Variants in EXOC4 observed in about 807,000 individuals in gnomAD.
The protein encoded by EXOC4 is exocyst complex component 4, also known as SEC8-like 1.
A neutral mutation model predicts 107.2 loss-of-function variants in EXOC4; 71 were observed. The ratio of observed to expected loss-of-function variants is 0.66; its 90% CI spans 0.55 to 0.81. EXOC4 has a LOEUF of 0.81. Among genes scored for constraint, EXOC4 ranks in the 30% least tolerant of loss-of-function variants. The probability of loss-of-function intolerance (pLI) is 0.00; values close to 1 mark genes in which losing one functional copy is unlikely to be tolerated. For synonymous variants in EXOC4, 456 were observed against 441.2 expected (o/e 1.03, Z -0.42); for missense variants, 1,108 against 1,189.6 (o/e 0.93, Z 1.01).
At chr7:133,310,422 C>A (rs940553661) in intron 4 of EXOC4, among the ~76,000 whole-genome samples, 11 of 152,148 alleles carry the variant, frequency 7.2e-5, no homozygotes, top group Non-Finnish European at 1.5e-5. Flanking sequence ...AACATTGTGT[C>A]CTTCAAGGTC....
intron 17 of EXOC4, among the ~76,000 whole-genome samples, chr7:134,011,374 C>T (rs963833643): frequency 6.6e-6 from 1 of 152,186 alleles, no homozygotes; most frequent in African/African-American, 2.4e-5. Flanking sequence ...CAGTTCTCCC[C>T]TCTTTACCCC....
At chr7:133,916,383 A>G (rs971979714) in intron 12 of EXOC4, among the ~76,000 whole-genome samples, 14 of 152,128 alleles carry the variant, frequency 9.2e-5, no homozygotes, top group Non-Finnish European at 1.6e-4. Context: ...TACAACATGA[A>G]ACTATGTTAC....
intron 9 of EXOC4, among the ~76,000 whole-genome samples, chr7:133,488,337 C>G (rs532484952): frequency 6.6e-6 from 1 of 152,078 alleles, no homozygotes; most frequent in Non-Finnish European, 1.5e-5. Flanking sequence ...TCTATTTAAT[C>G]TTATTTCACA....
chr7:133,762,061 C>T (rs1796043472), intron 10 of EXOC4, among the ~76,000 whole-genome samples: 1 of 152,130 alleles, frequency 6.6e-6, no homozygotes, highest in African/African-American at 2.4e-5. Context: ...GTTTAAATGT[C>T]ATTGGGTACT....
rs71162035 is a variant in EXOC4, at chr7:133,857,325, GTATATATA to G, written c.1735-38240_1735-38233del. Among the ~76,000 whole-genome samples, 25 of 2,598 alleles carry G rather than the reference GTATATATA, an allele frequency of 9.6e-3. 6 individuals carry two copies. Among genetic ancestry groups the G allele is most frequent in the South Asian group, 0.071 (4 of 56 alleles). The allele number at this position is 2,598 out of a possible 152,430, so 1.7% of individuals were successfully genotyped here. The stretch of plus-strand genomic sequence containing the variant: ...CGTATATATATATATATATATACAC[GTATATATA>G]TATATATATATATATATATATATAT... On this transcript the variant is annotated intron_variant, in intron 11 of 17. Transcript: ENST00000253861.
chr7:133,275,386 G>A (rs1277305056), intron 2 of EXOC4, among the ~76,000 whole-genome samples: 1 of 151,998 alleles, frequency 6.6e-6, no homozygotes, highest in Non-Finnish European at 1.5e-5. Context: ...CTTATCCTTG[G>A]TTCTGCCATT....
At chr7:133,874,928 G>A (rs1448282153) in intron 11 of EXOC4, among the ~76,000 whole-genome samples, 2 of 152,184 alleles carry the variant, frequency 1.3e-5, no homozygotes. Context: ...TAAAGGAGTG[G>A]CTGAGGACAT....
intron 10 of EXOC4, among the ~76,000 whole-genome samples, chr7:133,795,239 T>C (rs973643919): frequency 1.3e-5 from 2 of 152,156 alleles, no homozygotes; most frequent in Admixed American, 1.3e-4. Flanking sequence ...ATAATCCTCA[T>C]TAAAGGGCTA....
intron 17 of EXOC4, among the ~76,000 whole-genome samples, chr7:134,035,504 A>G (rs555785889): frequency 3.3e-5 from 5 of 152,354 alleles, no homozygotes; most frequent in African/African-American, 1.2e-4. Context: ...AAATACTAGA[A>G]GAAGGAGAGC....
At position 133,770,191 on chromosome 7, in the gene EXOC4, T is replaced by G. The variant is rs1796217320; in HGVS notation, c.1515-47134T>G. Among the ~76,000 whole-genome samples, 3 of 151,946 alleles carry G rather than the reference T, an allele frequency of 2.0e-5. No homozygotes were observed. The South Asian group carries it at 6.2e-4, about 31-fold the overall frequency. On this transcript the variant is annotated intron_variant, in intron 10 of 17. Transcript: ENST00000253861. Reference sequence around the variant, plus strand: ...TATCACTTAACTCGTGCTAAGCATTTAGCTTGTATTACCCACTTTACCTGT... The same window carrying G: ...TATCACTTAACTCGTGCTAAGCATTGAGCTTGTATTACCCACTTTACCTGT...
chr7:133,795,315 G>A (rs1391502157), intron 10 of EXOC4, among the ~76,000 whole-genome samples: 1 of 152,200 alleles, frequency 6.6e-6, no homozygotes, highest in African/African-American at 2.4e-5. Context: ...GTTTTAGTAT[G>A]TTGACCCTCT....
intron 16 of EXOC4, among the ~76,000 whole-genome samples, chr7:134,005,459 G>A (rs908725305): frequency 6.6e-6 from 1 of 152,144 alleles, no homozygotes; most frequent in African/African-American, 2.4e-5. Context: ...TCACTCATTG[G>A]CTAAAATTAT....
intron 17 of EXOC4, among the ~76,000 whole-genome samples, chr7:134,015,042 G>A (rs1794868897): frequency 6.6e-6 from 1 of 152,198 alleles, no homozygotes; most frequent in African/African-American, 2.4e-5. Context: ...TCATTTGGAA[G>A]AGAAAGGGTA....
At chr7:134,041,692 G>A (rs926422063) in intron 17 of EXOC4, among the ~76,000 whole-genome samples, 2 of 152,288 alleles carry the variant, frequency 1.3e-5, no homozygotes, top group East Asian at 1.9e-4. Context: ...TAAGTGCTGA[G>A]GGGGCTTATT....
intron 9 of EXOC4, among the ~76,000 whole-genome samples, chr7:133,587,216 G>A (rs998547296): frequency 1.3e-5 from 2 of 152,096 alleles, no homozygotes; most frequent in East Asian, 3.8e-4. Context: ...AATGGAAGAG[G>A]CAAGACCTTC....
chr7:133,839,447 T>C (rs1254699390), intron 11 of EXOC4, among the ~76,000 whole-genome samples: 3 of 152,222 alleles, frequency 2.0e-5, no homozygotes, highest in African/African-American at 7.2e-5. Context: ...GCATATTGCT[T>C]TGAAGATTGT....
intron 17 of EXOC4, among the ~76,000 whole-genome samples, chr7:134,038,613 A>G (rs909212343): frequency 2.0e-5 from 3 of 151,802 alleles, no homozygotes; most frequent in African/African-American, 7.3e-5. Context: ...CCCAGTCTCC[A>G]CCCTCTAACT....
At chr7:133,571,853 G>A (rs2150959782) in intron 9 of EXOC4, among the ~76,000 whole-genome samples, 1 of 152,260 alleles carries the variant, frequency 6.6e-6, no homozygotes, top group South Asian at 2.1e-4. Context: ...AGAGCTGAAA[G>A]CTGCAATAAT....
intron 9 of EXOC4, among the ~76,000 whole-genome samples, chr7:133,508,460 G>A (rs781515861): frequency 6.6e-5 from 10 of 152,180 alleles, no homozygotes; most frequent in African/African-American, 9.6e-5. Context: ...AATCAGGATA[G>A]CCTTGTTGCC....
Sources: gnomAD v4.1 joint callset for allele counts (sites outside exome capture counted in the v4.1 genomes callset) on GRCh38, gnomAD v4.1.1 for gene constraint, MANE v1.5 for transcripts, NCBI Gene and HGNC (gene_info 2026-07-23, HGNC 2026-07-21) for gene names.